CEP162: variants seen among roughly 807,000 people sequenced by gnomAD.
The protein encoded by CEP162 is centrosomal protein 162, also known as centrosomal protein of 162 kDa.
Under a neutral mutation model 169.2 loss-of-function variants are expected in CEP162, and 141 were observed. The ratio of observed to expected loss-of-function variants is 0.83; its 90% confidence interval spans 0.73 to 0.96. CEP162 has a LOEUF of 0.96. Ranked by LOEUF, CEP162 falls within the 40% of genes least tolerant of loss-of-function variation. The probability of loss-of-function intolerance (pLI) is 0.00; values close to 1 mark genes in which losing one functional copy is unlikely to be tolerated. For missense variants in CEP162, 1,600 were observed against 1,587.2 expected, an observed-to-expected ratio of 1.01 and a Z score of -0.14; for synonymous variants, 540 against 526.4, an observed-to-expected ratio of 1.03 and a Z score of -0.35.
At chr6:84,169,805 G>T (rs999400819) in intron 17 of CEP162, among the ~76,000 whole-genome samples, 1 of 152,020 alleles carries the variant, frequency 6.6e-6, no homozygotes, top group African/African-American at 2.4e-5. Context: ...TCTGAGAGTC[G>T]CCAGTCTCAT....
intron 6 of CEP162, among the ~76,000 whole-genome samples, chr6:84,212,700 A>G (rs1204914586): frequency 6.6e-6 from 1 of 152,140 alleles, no homozygotes; most frequent in Non-Finnish European, 1.5e-5. Context: ...GTAAAAACAC[A>G]TCAATTAAAA....
intron 12 of CEP162, among the ~76,000 whole-genome samples, chr6:84,185,949 T>G (rs2099536967): frequency 6.6e-6 from 1 of 152,126 alleles, no homozygotes; most frequent in African/African-American, 2.4e-5. Context: ...AATGTAAATT[T>G]CTTCACAGGT....
At chr6:84,138,045 T>C (rs1474349309) in intron 25 of CEP162, among the ~76,000 whole-genome samples, 1 of 152,260 alleles carries the variant, frequency 6.6e-6, no homozygotes, top group Admixed American at 6.5e-5. Flanking sequence ...CTTTGCTTTA[T>C]GCTGAAAACT....
chr6:84,154,077 T>G (rs1213722020), intron 22 of CEP162, among the ~76,000 whole-genome samples: 2 of 151,986 alleles, frequency 1.3e-5, no homozygotes, highest in African/African-American at 4.8e-5. Context: ...GGCTGAATGT[T>G]TGGTATATAC....
At chr6:84,129,336 C>A (rs2099510269) in intron 25 of CEP162, among the ~76,000 whole-genome samples, 1 of 152,214 alleles carries the variant, frequency 6.6e-6, no homozygotes, top group South Asian at 2.1e-4. Flanking sequence ...TATTTCTCCG[C>A]ATCCTCTCCA....
chr6:84,152,954 T>A lies in CEP162; in HGVS notation c.3220A>T (p.Ile1074Leu). Residue 1074 changes from isoleucine (I) to leucine (L), a missense_variant, in exon 23 of 27, where the codon ATA becomes TTA. Physicochemically the swap from Ile to Leu is conservative, Grantham distance 5. Coordinates refer to ENST00000403245, the MANE Select transcript of CEP162 (RefSeq NM_014895.4). ...TGAGCCTGTTCCACCTGGAATTCTA[T>A]AGACTGAAAATCTTCATCATCTTTA... ...NDKDDEDFQS[I>L]EFQVEQAHAK... 1 of 1,613,754 alleles carries A rather than the reference T, an allele frequency of 6.2e-7. No individual in the cohort carries two copies. Among genetic ancestry groups the A allele is most frequent in the Non-Finnish European group, 8.5e-7 (1 of 1,179,784 alleles).
intron 9 of CEP162, among the ~76,000 whole-genome samples, chr6:84,199,369 G>T (rs1016741404): frequency 6.6e-6 from 1 of 151,956 alleles, no homozygotes; most frequent in Non-Finnish European, 1.5e-5. Flanking sequence ...TCAAAATAGT[G>T]GTGACTCTTG....
At chr6:84,132,941 T>G (rs763910536) in intron 25 of CEP162, among the ~76,000 whole-genome samples, 6 of 152,066 alleles carry the variant, frequency 3.9e-5, no homozygotes, top group Non-Finnish European at 8.8e-5. Flanking sequence ...GCACTCTGAT[T>G]TTTGGAATTT....
In CEP162 at chr6:84,126,527, T is replaced by G; in HGVS notation, c.3871-15A>C. On this transcript the variant is annotated splice_polypyrimidine_tract_variant and intron_variant, in intron 25 of 26. Transcript: ENST00000403245. Reference sequence around the variant, plus strand: ...AGTTTTGTAATCTAAAATTGACATATGAAGCAAATGAAAAACTATAATCAC... The same window carrying G: ...AGTTTTGTAATCTAAAATTGACATAGGAAGCAAATGAAAAACTATAATCAC... The G allele has an allele frequency of 1.4e-6, 2 of 1,476,934 alleles. No homozygotes were observed. Among genetic ancestry groups the G allele is most frequent in the Non-Finnish European group, 1.8e-6 (2 of 1,104,072 alleles). 91.5% of individuals were successfully genotyped at this position (1,476,934 alleles called of 1,614,324 possible).
At chr6:84,196,781 A>G (rs528203967) in intron 9 of CEP162, among the ~76,000 whole-genome samples, 2 of 152,200 alleles carry the variant, frequency 1.3e-5, no homozygotes, top group African/African-American at 4.8e-5. Context: ...CAAGTGGTAC[A>G]TATAAGATTG....
chr6:84,194,354 C>CAAAAAA (rs569413628), intron 10 of CEP162, among the ~76,000 whole-genome samples: 1 of 93,800 alleles, frequency 1.1e-5, no homozygotes, highest in African/African-American at 4.5e-5. Context: ...GACTCCGTCT[C>CAAAAAA]AAAAAAAAAA....
chr6:84,168,579 G>A (rs1390078675), intron 18 of CEP162, among the ~76,000 whole-genome samples: 1 of 152,180 alleles, frequency 6.6e-6, no homozygotes, highest in African/African-American at 2.4e-5. Flanking sequence ...CACAGGCCGT[G>A]TTTGGAAATG....
intron 23 of CEP162, among the ~76,000 whole-genome samples, chr6:84,150,889 C>T (rs769718122): frequency 6.6e-5 from 10 of 152,116 alleles, no homozygotes; most frequent in Non-Finnish European, 1.0e-4. Flanking sequence ...GCTCATTCTC[C>T]TCCTACAGCA....
rs550915277 is a variant in CEP162 at position 84,189,271 on chromosome 6, T to C, written c.1110-2648A>G. ...TGCCTGGGCTCCCACTTTGGTGGTATTTGAGGAGCCCTTCAGCCCCCCACT... is the reference window on the plus strand; with the variant it reads ...TGCCTGGGCTCCCACTTTGGTGGTACTTGAGGAGCCCTTCAGCCCCCCACT... On this transcript the variant is annotated intron_variant, in intron 11 of 26. Coordinates refer to ENST00000403245, the MANE Select transcript of CEP162 (RefSeq NM_014895.4). Among the ~76,000 whole-genome samples the C allele has an allele frequency of 1.6e-3, 248 of 152,268 alleles. 1 individual carries two copies. The highest frequency in any genetic ancestry group is 3.6e-3 in the Admixed American group (55 of 15,304).
rs530917718 is a variant in CEP162, at chr6:84,177,759, A to C, written c.1664-2412T>G. ...ACCATGTTGGCCAGGCTGGTCTCGA[A>C]CTCTTTACCTCAAGTGACCTGCCCA... is the stretch of plus-strand genomic sequence containing the variant. On this transcript the variant is annotated intron_variant, in intron 13 of 26. Transcript: ENST00000403245. Among the ~76,000 whole-genome samples the C allele has an allele frequency of 1.4e-4, 21 of 152,066 alleles. 1 individual carries two copies. The South Asian group carries it at 4.0e-3, about 29-fold the overall frequency.
chr6:84,222,025 T>C (rs1343093716), intron 2 of CEP162, among the ~76,000 whole-genome samples: 2 of 150,916 alleles, frequency 1.3e-5, no homozygotes, highest in African/African-American at 4.9e-5. Flanking sequence ...AATTGCGGAA[T>C]GAAAAAATGA....
At chr6:84,187,122 A>T (rs956248788) in intron 11 of CEP162, among the ~76,000 whole-genome samples, 2 of 152,210 alleles carry the variant, frequency 1.3e-5, no homozygotes, top group Non-Finnish European at 2.9e-5. Context: ...ATCACAGTAT[A>T]GGAAAAATTT....
intron 11 of CEP162, among the ~76,000 whole-genome samples, chr6:84,191,564 A>T (rs1174584016): frequency 1.3e-5 from 2 of 152,170 alleles, no homozygotes; most frequent in East Asian, 1.9e-4. Flanking sequence ...GTGAGGAAGT[A>T]TATAACCCTG....
intron 25 of CEP162, among the ~76,000 whole-genome samples, chr6:84,130,964 A>C (rs539993584): frequency 6.6e-6 from 1 of 152,086 alleles, no homozygotes; most frequent in South Asian, 2.1e-4. Flanking sequence ...TTGATTTTAG[A>C]TCTTTCCTGC....
Sources: allele counts gnomAD v4.1 joint callset (sites outside exome capture counted in the v4.1 genomes callset), GRCh38; gene constraint gnomAD v4.1.1; transcripts MANE v1.5; gene names NCBI Gene and HGNC (gene_info 2026-07-23, HGNC 2026-07-21).